Variants in DSG1 observed in about 807,000 individuals in gnomAD.
The protein encoded by DSG1 is desmoglein-1.
Under a neutral mutation model 97.5 loss-of-function variants are expected in DSG1, and 39 were observed. The ratio of observed to expected loss-of-function variants is 0.40; its 90% CI spans 0.31 to 0.52. DSG1 has a LOEUF of 0.52. Ranked by LOEUF, DSG1 falls within the 20% of genes least tolerant of loss-of-function variation. The pLI is 0.53. For synonymous variants in DSG1, 475 were observed against 443.4 expected (o/e 1.07, Z -0.90); for missense variants, 1,311 against 1,295.4 (o/e 1.01, Z -0.18).
Position 31,355,622 on chromosome 18 carries a change from T to C in DSG1, c.*276T>C, listed in dbSNP as rs2071950230. The stretch of plus-strand genomic sequence containing the variant: ...AGTGGCCTGTAGTCCATCTCCAGCA[T>C]GTAACTGGCCTTACGATGGCAATTG... On this transcript the variant is annotated 3_prime_UTR_variant, in exon 15 of 15. Transcript: ENST00000257192. 4.2e-6 allele frequency: 2 copies of C among 475,740 alleles called. No individual in the cohort carries two copies. The highest frequency in any genetic ancestry group is 7.7e-6 in the Non-Finnish European group (2 of 260,662). 29.5% of individuals were successfully genotyped at this position (475,740 alleles called of 1,614,324 possible). A position where few individuals can be genotyped will look rare whatever the true frequency, so the allele number is the denominator to read the frequency against.
chr18:31,330,795 A>G (rs887805946), intron 5 of DSG1, among the ~76,000 whole-genome samples: 3 of 152,128 alleles, frequency 2.0e-5, no homozygotes, highest in African/African-American at 7.2e-5. Flanking sequence ...ACATATTTCC[A>G]TATCAGGACA....
At chr18:31,325,374 T>C (rs2071679523) in intron 1 of DSG1, among the ~76,000 whole-genome samples, 1 of 152,220 alleles carries the variant, frequency 6.6e-6, no homozygotes, top group Non-Finnish European at 1.5e-5. Flanking sequence ...AACAGATCCA[T>C]GCACAATTCT....
intron 14 of DSG1, among the ~76,000 whole-genome samples, chr18:31,352,022 C>T (rs1259004561): frequency 1.3e-5 from 2 of 151,270 alleles, no homozygotes; most frequent in Non-Finnish European, 1.5e-5. Flanking sequence ...ATGATGTTAG[C>T]TGGTTATTTT....
intron 14 of DSG1, among the ~76,000 whole-genome samples, chr18:31,347,254 C>G (rs971534657): frequency 6.6e-6 from 1 of 152,150 alleles, no homozygotes; most frequent in Non-Finnish European, 1.5e-5. Flanking sequence ...TTCATATATA[C>G]AACAAAATAT....
intron 10 of DSG1, 110 bp downstream of exon 10, chr18:31,338,564 G>A (rs767433138): frequency 5.4e-5 from 63 of 1,170,770 alleles, no homozygotes; most frequent in Non-Finnish European, 7.1e-5. Flanking sequence ...AACAAAAGTT[G>A]TCACACTGGG....
rs192143437 is a variant in DSG1, at chr18:31,353,997, G to A, written c.2101-300G>A. On this transcript the variant is annotated intron_variant, in intron 14 of 14. Coordinates refer to ENST00000257192, the MANE Select transcript of DSG1 (RefSeq NM_001942.4). ...TATTCGGCCATCTTGGCTCCTCCTC[G>A]AAACCAATTCATGTGATTTTTTTGT... The A allele has an allele frequency of 1.2e-3, 408 of 340,812 alleles. 2 individuals are homozygous for A. The Admixed American group carries it at 0.013, about 11-fold the overall frequency. 21.1% of individuals were successfully genotyped at this position (340,812 alleles called of 1,614,324 possible).
chr18:31,352,117 C>A (rs200869834), intron 14 of DSG1, among the ~76,000 whole-genome samples: 540 of 139,756 alleles, frequency 3.9e-3, no homozygotes, highest in South Asian at 5.5e-3. Flanking sequence ...CCGGTTGTTC[C>A]TTTCCATGTT....
intron 14 of DSG1, among the ~76,000 whole-genome samples, chr18:31,353,614 T>C (rs1477632366): frequency 6.6e-5 from 10 of 152,136 alleles, no homozygotes; most frequent in Non-Finnish European, 1.3e-4. Context: ...GTGCTAGCAA[T>C]CAGCGAGACT....
rs2071971671 is a variant in DSG1, at chr18:31,357,757, C to A, written c.*2411C>A. Among the ~76,000 whole-genome samples, 1 of 151,892 alleles carries A rather than the reference C, an allele frequency of 6.6e-6. No homozygotes were observed. The highest frequency in any genetic ancestry group is 1.5e-5 in the Non-Finnish European group (1 of 67,860). The stretch of plus-strand genomic sequence containing the variant: ...ATCTTTCTAGGAAGATACTTTCTAA[C>A]CAAACTTTTCTTCCAGGATTGCAAA... On this transcript the variant is annotated 3_prime_UTR_variant, in exon 15 of 15. Transcript: ENST00000257192.
chr18:31,346,084 T>G lies in DSG1; in HGVS notation c.1986T>G (p.Thr662=). 2 of 1,613,870 alleles carry G rather than the reference T, an allele frequency of 1.2e-6. No homozygotes were observed. Among genetic ancestry groups the G allele is most frequent in the Non-Finnish European group, 1.7e-6 (2 of 1,179,802 alleles). The change falls in exon 14 of 15, where the codon ACT becomes ACG. Residue 662 remains threonine, a synonymous_variant. Coordinates refer to ENST00000257192, the MANE Select transcript of DSG1 (RefSeq NM_001942.4). The stretch of plus-strand genomic sequence containing the variant: ...TTGAACTAACAGAGGGAGTTAAAAC[T>G]TCAGGAATGCCTGAGATATGTCAAG... ...TGFELTEGVK[T]SGMPEICQEY...
At chr18:31,336,980 CA>C (rs2071759498) in intron 9 of DSG1, among the ~76,000 whole-genome samples, 1 of 152,186 alleles carries the variant, frequency 6.6e-6, no homozygotes, top group Non-Finnish European at 1.5e-5. Flanking sequence ...AGCTTGAAAT[CA>C]ATTAGATTTT....
At chr18:31,347,268 GTTATATT>G (rs1376764535) in intron 14 of DSG1, among the ~76,000 whole-genome samples, 1 of 152,110 alleles carries the variant, frequency 6.6e-6, no homozygotes, top group African/African-American at 2.4e-5. Context: ...AAAATATTTT[GTTATATT>G]TTAATAACAT....
intron 5 of DSG1, 32 bp from the exon 6 acceptor site, chr18:31,331,669 C>G: frequency 1.2e-6 from 2 of 1,603,368 alleles, no homozygotes; most frequent in Non-Finnish European, 1.7e-6. Flanking sequence ...ATGTAAATCA[C>G]CCATTTGCAA....
chr18:31,320,856 C>T (rs1299002055), intron 1 of DSG1, among the ~76,000 whole-genome samples: 1 of 152,138 alleles, frequency 6.6e-6, no homozygotes, highest in Admixed American at 6.5e-5. Context: ...AAAACAGAGC[C>T]AGAGGGATCT....
At position 31,336,726 on chromosome 18, in the gene DSG1, ATCATT is replaced by A. The variant is rs1379023645; in HGVS notation, c.1265+115_1265+119del. The A allele has an allele frequency of 5.2e-6, 6 of 1,147,528 alleles. No homozygotes were observed. In the African/African-American group the frequency reaches 9.4e-5, roughly 18 times the overall value. 71.1% of individuals were successfully genotyped at this position (1,147,528 alleles called of 1,614,324 possible). On this transcript the variant is annotated intron_variant, in intron 9 of 14. Transcript: ENST00000257192. ...AATACTTTTCATTATTTTTGAAACT[ATCATT>A]TAATTGTAAAAAGTACTATAAACTG...
At chr18:31,325,060 G>A (rs1366655883) in intron 1 of DSG1, among the ~76,000 whole-genome samples, 2 of 152,074 alleles carry the variant, frequency 1.3e-5, no homozygotes, top group South Asian at 4.1e-4. Context: ...TCACTATTTT[G>A]CCTTTGAAAG....
chr18:31,354,451 G>GA lies in DSG1; in HGVS notation c.2256dup (p.Pro753ThrfsTer2). Reference sequence around the variant, plus strand: ...GATGACAGCTTCTTGGATACCCTGGGACCTAAATTTAAGAAGTTGGCAGAC... The same window carrying GA: ...GATGACAGCTTCTTGGATACCCTGGGAACCTAAATTTAAGAAGTTGGCAGAC... On this transcript the variant is annotated frameshift_variant, in exon 15 of 15. Coordinates refer to ENST00000257192, the MANE Select transcript of DSG1 (RefSeq NM_001942.4). LOFTEE classifies it high-confidence loss of function. 1 of 1,614,118 alleles carries GA rather than the reference G, an allele frequency of 6.2e-7. No homozygotes were observed. The highest frequency in any genetic ancestry group is 8.5e-7 in the Non-Finnish European group (1 of 1,180,028).
chr18:31,344,079 CT>C, intron 13 of DSG1, 84 bp downstream of exon 13: 1 of 1,013,390 alleles, frequency 9.9e-7, no homozygotes, highest in Non-Finnish European at 1.5e-6. Context: ...TTTTAATTAT[CT>C]TATTTTTCTT....
intron 1 of DSG1, 31 bp from the exon 2 acceptor site, chr18:31,326,550 A>G (rs1361267712): frequency 6.5e-7 from 1 of 1,526,972 alleles, no homozygotes; most frequent in Non-Finnish European, 9.1e-7. Flanking sequence ...TAATTAAAAA[A>G]TAACTAGTGT....
Sources: allele counts gnomAD v4.1 joint callset (sites outside exome capture counted in the v4.1 genomes callset), GRCh38; gene constraint gnomAD v4.1.1; transcripts MANE v1.5; gene names NCBI Gene and HGNC (gene_info 2026-07-23, HGNC 2026-07-21).